ADGRL3: variants seen among roughly 807,000 people sequenced by gnomAD.
The protein encoded by ADGRL3 is calcium-independent alpha-latrotoxin receptor 3.
ADGRL3 carries 62 observed loss-of-function variants against 153.5 expected under a neutral mutation model. That is an observed-to-expected ratio of 0.40 (90% CI 0.33 to 0.50). ADGRL3 has a LOEUF of 0.50. Ranked by LOEUF, ADGRL3 falls within the 20% of genes least tolerant of loss-of-function variation. The pLI is 0.47. For synonymous variants in ADGRL3, 710 were observed against 672.5 expected (o/e 1.06, Z -0.86); for missense variants, 1,641 against 1,859.4 (o/e 0.88, Z 2.16).
At chr4:61,666,201 A>G (rs2150690069) in intron 5 of ADGRL3, among the ~76,000 whole-genome samples, 1 of 152,278 alleles carries the variant, frequency 6.6e-6, no homozygotes, top group African/African-American at 2.4e-5. Flanking sequence ...TATTACAAGC[A>G]AATATGAGGA....
At chr4:61,601,495 A>G (rs2099011444) in intron 5 of ADGRL3, among the ~76,000 whole-genome samples, 1 of 152,226 alleles carries the variant, frequency 6.6e-6, no homozygotes, top group South Asian at 2.1e-4. Flanking sequence ...GGAGAACAAT[A>G]AACTTTGGTC....
intron 8 of ADGRL3, among the ~76,000 whole-genome samples, chr4:61,751,323 C>T (rs2096753969): frequency 6.6e-6 from 1 of 152,060 alleles, no homozygotes; most frequent in African/African-American, 2.4e-5. Context: ...GCCCCTTATT[C>T]ACTGGTTGAC....
Position 61,333,795 on chromosome 4 carries a change from T to C in ADGRL3, c.-239-49329T>C, listed in dbSNP as rs1045281935. On this transcript the variant is annotated intron_variant, in intron 1 of 26. Coordinates refer to ENST00000683033, the MANE Select transcript of ADGRL3 (RefSeq NM_001387552.1). ...ATTAATTTATTAATGTATTTATTTT[T>C]TGTAAAGAGGGAGGCTCACTATGTT... is the stretch of plus-strand genomic sequence containing the variant. Among the ~76,000 whole-genome samples, 10 of 152,048 alleles carry C rather than the reference T, an allele frequency of 6.6e-5. 1 individual carries two copies. The highest frequency in any genetic ancestry group is 6.6e-4 in the Admixed American group (10 of 15,234).
intron 1 of ADGRL3, among the ~76,000 whole-genome samples, chr4:61,245,982 A>G (rs1040807723): frequency 1.3e-5 from 2 of 152,012 alleles, no homozygotes; most frequent in African/African-American, 4.8e-5. Flanking sequence ...CCCCTGCCAC[A>G]GTTTGTTAGC....
chr4:61,779,128 G>T (rs2097185449), intron 8 of ADGRL3, among the ~76,000 whole-genome samples: 1 of 152,004 alleles, frequency 6.6e-6, no homozygotes, highest in Admixed American at 6.6e-5. Context: ...ATTATTTGGG[G>T]AGTCAAATAA....
At position 61,788,406 on chromosome 4, in the gene ADGRL3, G is replaced by T. The variant is rs535957485; in HGVS notation, c.1400-25403G>T. Among the ~76,000 whole-genome samples, 4 of 152,190 alleles carry T rather than the reference G, an allele frequency of 2.6e-5. No homozygotes were observed. In the South Asian group the frequency reaches 8.3e-4, roughly 32 times the overall value. ...TACCAGCCCAGAACCCCGTAGCTCT[G>T]CTGGGTGGCTAGACCCAGAAGAGCA... is the stretch of plus-strand genomic sequence containing the variant. On this transcript the variant is annotated intron_variant, in intron 8 of 26. Coordinates refer to ENST00000683033, the MANE Select transcript of ADGRL3 (RefSeq NM_001387552.1).
chr4:61,416,585 A>G (rs1486966090), intron 2 of ADGRL3, among the ~76,000 whole-genome samples: 3 of 152,238 alleles, frequency 2.0e-5, no homozygotes, highest in African/African-American at 2.4e-5. Flanking sequence ...GGAAACTTTT[A>G]TAACAATTTA....
intron 2 of ADGRL3, among the ~76,000 whole-genome samples, chr4:61,456,408 TATATATAG>T (rs1300704966): frequency 4.3e-5 from 2 of 46,660 alleles, no homozygotes; most frequent in African/African-American, 1.1e-4. Flanking sequence ...TATATCTATA[TATATATAG>T]ATATATCTAT....
chr4:61,981,636 C>T (rs1247935611), intron 18 of ADGRL3, among the ~76,000 whole-genome samples: 3 of 152,000 alleles, frequency 2.0e-5, no homozygotes, highest in Non-Finnish European at 4.4e-5. Context: ...AACTTTATGC[C>T]CACTTATAAT....
At chr4:61,207,045 TTTATTA>T (rs542169417) in intron 1 of ADGRL3, among the ~76,000 whole-genome samples, 62 of 151,000 alleles carry the variant, frequency 4.1e-4, no homozygotes, top group African/African-American at 8.2e-4. Flanking sequence ...CTTTAGGTCA[TTTATTA>T]TTATTATTAT....
At chr4:61,946,728 A>T (rs996632221) in intron 15 of ADGRL3, among the ~76,000 whole-genome samples, 186 bp from the exon 16 acceptor site, 1 of 152,196 alleles carries the variant, frequency 6.6e-6, no homozygotes, top group Non-Finnish European at 1.5e-5. Context: ...TTTAAAAAAT[A>T]TTGGTATGTA....
intron 6 of ADGRL3, among the ~76,000 whole-genome samples, chr4:61,716,906 C>T (rs1250793623): frequency 2.0e-5 from 3 of 152,042 alleles, no homozygotes; most frequent in African/African-American, 4.8e-5. Context: ...TGTTAACTTC[C>T]ATCACTAAGG....
chr4:61,656,363 G>T (rs555569545), intron 5 of ADGRL3, among the ~76,000 whole-genome samples: 78 of 145,084 alleles, frequency 5.4e-4, no homozygotes, highest in African/African-American at 1.8e-3. Flanking sequence ...TTTTTTTTGT[G>T]GGGGGGGTGA....
intron 21 of ADGRL3, among the ~76,000 whole-genome samples, chr4:61,999,520 A>G (rs777293564): frequency 6.6e-6 from 1 of 152,170 alleles, no homozygotes; most frequent in Non-Finnish European, 1.5e-5. Flanking sequence ...TAATTTGCCT[A>G]TGCTGGTGTT....
At chr4:61,596,543 A>G (rs1005446135) in intron 5 of ADGRL3, among the ~76,000 whole-genome samples, 11 of 152,318 alleles carry the variant, frequency 7.2e-5, no homozygotes, top group Admixed American at 7.2e-4. Context: ...ACATATTATG[A>G]AATTTGCCTC....
chr4:61,239,429 T>TC (rs1278101011), intron 1 of ADGRL3, among the ~76,000 whole-genome samples: 6 of 151,898 alleles, frequency 4.0e-5, no homozygotes, highest in African/African-American at 1.5e-4. Flanking sequence ...TATATAGAAT[T>TC]CCCCCTCCCC....
intron 23 of ADGRL3, among the ~76,000 whole-genome samples, chr4:62,031,992 CAT>C (rs71213026): frequency 0.3 from 41,334 of 138,816 alleles, 6,154 homozygotes; most frequent in Admixed American, 0.39. Context: ...CACACACACA[CAT>C]GGATATATAT....
intron 1 of ADGRL3, among the ~76,000 whole-genome samples, chr4:61,358,596 CAA>C (rs71211377): frequency 1.7e-3 from 163 of 96,850 alleles, no homozygotes; most frequent in South Asian, 3.0e-3. Context: ...GACTCCGTCT[CAA>C]AAAAAAAAAA....
chr4:62,003,340 A>G (rs909260295), intron 21 of ADGRL3, among the ~76,000 whole-genome samples: 1 of 152,088 alleles, frequency 6.6e-6, no homozygotes, highest in Non-Finnish European at 1.5e-5. Flanking sequence ...TTAAAGATAC[A>G]CCTTTTACTT....
Sources: allele counts gnomAD v4.1 joint callset (sites outside exome capture counted in the v4.1 genomes callset), GRCh38; gene constraint gnomAD v4.1.1; transcripts MANE v1.5; gene names NCBI Gene and HGNC (gene_info 2026-07-23, HGNC 2026-07-21).